GLIS1: variants seen among roughly 807,000 people sequenced by gnomAD.
The protein encoded by GLIS1 is zinc finger protein GLIS1.
In GLIS1, 24 loss-of-function variants were observed where a neutral mutation model predicts 63.8. The observed-to-expected ratio is 0.38, with a 90% confidence interval of 0.27 to 0.53. The LOEUF is 0.53. GLIS1 is among the 20% of genes least tolerant of loss of function. The pLI, the probability that GLIS1 is intolerant of heterozygous loss-of-function variation, is 0.85. For synonymous variants in GLIS1, 450 were observed against 482.5 expected, an observed-to-expected ratio of 0.93 and a Z score of 0.88; for missense variants, 1,036 against 1,074.1, an observed-to-expected ratio of 0.96 and a Z score of 0.50.
At chr1:53,725,314 T>G (rs559335141) in intron 2 of GLIS1, among the ~76,000 whole-genome samples, 25 of 152,276 alleles carry the variant, frequency 1.6e-4, no homozygotes, top group African/African-American at 5.5e-4. Flanking sequence ...CAAACTCAAG[T>G]TCTGACCTGT....
chr1:53,723,239 C>CTTT (rs111541690), intron 2 of GLIS1, among the ~76,000 whole-genome samples: 1 of 141,422 alleles, frequency 7.1e-6, no homozygotes. Flanking sequence ...TATTTATTTA[C>CTTT]TTTTTTTTTT....
chr1:53,678,336 G>C (rs1325061976), intron 2 of GLIS1, among the ~76,000 whole-genome samples: 5 of 137,666 alleles, frequency 3.6e-5, no homozygotes, highest in African/African-American at 1.3e-4. Context: ...TGAGGGGGGG[G>C]GGGTGGGGGG....
Position 53,520,780 on chromosome 1 carries a change from A to G in GLIS1, c.1594-14T>C, listed in dbSNP as rs1428624584. The G allele has an allele frequency of 1.3e-6, 2 of 1,598,724 alleles. No homozygotes were observed. ...GCCCGCATGCAGCTGGGGAGCAAGC[A>G]GAGGGAAAGGAGGTGTTAGTGTGAG... is the stretch of plus-strand genomic sequence containing the variant. On this transcript the variant is annotated splice_polypyrimidine_tract_variant and intron_variant, in intron 6 of 10. Transcript: ENST00000628545.
intron 2 of GLIS1, among the ~76,000 whole-genome samples, chr1:53,697,467 C>T (rs1646477507): frequency 6.6e-6 from 1 of 152,226 alleles, no homozygotes; most frequent in South Asian, 2.1e-4. Context: ...GTCCCACCCT[C>T]CTCTGGGGGC....
At position 53,526,338 on chromosome 1, in the gene GLIS1, C is replaced by T. The variant is rs570926743; in HGVS notation, c.1483-1451G>A. Among the ~76,000 whole-genome samples, 3 of 152,262 alleles carry T rather than the reference C, an allele frequency of 2.0e-5. No homozygotes were observed. Among genetic ancestry groups the T allele is most frequent in the Admixed American group, 2.0e-4 (3 of 15,304 alleles). ...CATGAGGAGGGGAAGCAGAAAGAGA[C>T]GACCATACCTTGGTGCTGCCATGGA... On this transcript the variant is annotated intron_variant, in intron 5 of 10. Transcript: ENST00000628545. This position sits in a 1 kb window ranked among gnomAD's most constrained non-coding sequence, Gnocchi z 4.4.
At chr1:53,702,834 G>C (rs1168496245) in intron 2 of GLIS1, among the ~76,000 whole-genome samples, 1 of 152,214 alleles carries the variant, frequency 6.6e-6, no homozygotes, top group Non-Finnish European at 1.5e-5. Flanking sequence ...TAGGCCTCAG[G>C]ATCTTGTCTG....
rs1645765136 is a variant in GLIS1, at chr1:53,639,684, A to G, written c.260-39406T>C. Among the ~76,000 whole-genome samples the G allele has an allele frequency of 6.6e-6, 1 of 152,050 alleles. No individual in the cohort carries two copies. The highest frequency in any genetic ancestry group is 6.5e-5 in the Admixed American group (1 of 15,278). ...CAGCCCGCTATCCTGGGCCGACAGC[A>G]TACTCAGGTTTACTCAGTGAATATT... On this transcript the variant is annotated intron_variant, in intron 2 of 10. Transcript: ENST00000628545. This position sits in a 1 kb window ranked among gnomAD's most constrained non-coding sequence, Gnocchi z 4.6.
intron 2 of GLIS1, among the ~76,000 whole-genome samples, chr1:53,715,618 C>G (rs542007681): frequency 6.6e-6 from 1 of 152,126 alleles, no homozygotes; most frequent in Non-Finnish European, 1.5e-5. Context: ...CCACTCAGAC[C>G]AGGCAGTGTG....
chr1:53,649,182 T>C (rs913797303), intron 2 of GLIS1, among the ~76,000 whole-genome samples: 2 of 152,240 alleles, frequency 1.3e-5, no homozygotes, highest in African/African-American at 4.8e-5. Flanking sequence ...TTTTATCACT[T>C]ACTACCATAA....
chr1:53,535,719 C>A (rs763003068), intron 4 of GLIS1, among the ~76,000 whole-genome samples: 12 of 152,084 alleles, frequency 7.9e-5, no homozygotes, highest in Non-Finnish European at 1.3e-4. Flanking sequence ...ACCTGGGTGA[C>A]TGCACAGGTG....
At chr1:53,527,389 G>A (rs1459587706) in intron 5 of GLIS1, among the ~76,000 whole-genome samples, 1 of 152,214 alleles carries the variant, frequency 6.6e-6, no homozygotes, top group South Asian at 2.1e-4. Flanking sequence ...TCAGTAAGAG[G>A]ACAGGCAGGG....
intron 2 of GLIS1, among the ~76,000 whole-genome samples, chr1:53,642,175 C>T (rs904368367): frequency 2.0e-5 from 3 of 152,238 alleles, no homozygotes; most frequent in East Asian, 1.9e-4. Flanking sequence ...TTCCCCATTA[C>T]GAGGACTGGT....
chr1:53,563,339 G>T (rs867268911), intron 4 of GLIS1, among the ~76,000 whole-genome samples: 2 of 152,266 alleles, frequency 1.3e-5, no homozygotes, highest in Non-Finnish European at 2.9e-5. Flanking sequence ...TGTGTAAGGA[G>T]TGAAAGGGCA....
intron 2 of GLIS1, among the ~76,000 whole-genome samples, chr1:53,615,439 C>T (rs1185891941): frequency 6.6e-6 from 1 of 152,216 alleles, no homozygotes; most frequent in Non-Finnish European, 1.5e-5. Context: ...ACCACTAGTG[C>T]CTCTCTAGGG....
chr1:53,642,433 C>T (rs1043022590), intron 2 of GLIS1, among the ~76,000 whole-genome samples: 1 of 152,260 alleles, frequency 6.6e-6, no homozygotes, highest in Non-Finnish European at 1.5e-5. Flanking sequence ...TAAGGCCTTC[C>T]ACCTCGGGGC....
At chr1:53,592,558 C>T (rs4927011) in intron 4 of GLIS1, among the ~76,000 whole-genome samples, 78,629 of 152,136 alleles carry the variant, frequency 0.52, 23,727 homozygotes, top group Admixed American at 0.66. Flanking sequence ...CTGGCCTGCG[C>T]GCTGTCTATT....
At chr1:53,568,776 C>T (rs888327307) in intron 4 of GLIS1, among the ~76,000 whole-genome samples, 1 of 152,186 alleles carries the variant, frequency 6.6e-6, no homozygotes, top group African/African-American at 2.4e-5. Context: ...TCACCTTACA[C>T]CATAAGTGTA....
chr1:53,700,452 CAGGA>C, intron 2 of GLIS1, among the ~76,000 whole-genome samples: 1 of 152,266 alleles, frequency 6.6e-6, no homozygotes, highest in Non-Finnish European at 1.5e-5. Context: ...GACAGGCTGT[CAGGA>C]AGGAAGGATG....
chr1:53,633,416 ATGAG>A (rs1645690173), intron 2 of GLIS1, among the ~76,000 whole-genome samples: 1 of 127,244 alleles, frequency 7.9e-6, no homozygotes, highest in Non-Finnish European at 1.6e-5. Context: ...GGGTGTGTGT[ATGAG>A]TGTGACTGAG....
Sources: gnomAD v4.1 joint callset for allele counts (sites outside exome capture counted in the v4.1 genomes callset) on GRCh38, gnomAD v4.1.1 for gene constraint, Gnocchi (gnomAD v3.1) non-coding constraint, MANE v1.5 for transcripts, NCBI Gene and HGNC (gene_info 2026-07-23, HGNC 2026-07-21) for gene names.